Variants in VPS8 observed in about 807,000 individuals in gnomAD.
VPS8 encodes vacuolar protein sorting-associated protein 8 homolog.
In VPS8, 129 loss-of-function variants were observed where a neutral mutation model predicts 216.4. The ratio of observed to expected loss-of-function variants is 0.60; its 90% CI spans 0.52 to 0.69. VPS8 has a LOEUF of 0.69. VPS8 is among the 30% of genes least tolerant of loss of function. The pLI is 0.00. For missense variants in VPS8, 1,531 were observed against 1,683.5 expected (o/e 0.91, Z 1.59); for synonymous variants, 571 against 565.4 (o/e 1.01, Z -0.14).
chr3:184,831,630 C>T (rs1003883280), intron 3 of VPS8, among the ~76,000 whole-genome samples: 1 of 152,166 alleles, frequency 6.6e-6, no homozygotes, highest in African/African-American at 2.4e-5. Flanking sequence ...CACCTTTTAC[C>T]TGGTTGTAGA....
intron 16 of VPS8, 98 bp downstream of exon 16, chr3:184,863,165 CT>C: frequency 4.2e-6 from 6 of 1,417,652 alleles, no homozygotes; most frequent in South Asian, 4.1e-5. Flanking sequence ...GGGGAGTTAC[CT>C]TTTTCTGTCT....
intron 1 of VPS8, among the ~76,000 whole-genome samples, chr3:184,820,287 G>A (rs58385627): frequency 1.3e-5 from 2 of 152,006 alleles, no homozygotes; most frequent in African/African-American, 2.4e-5. Flanking sequence ...CTTGTCTTTC[G>A]CAGCTTCTAG....
chr3:184,863,435 A>G (rs996763985), intron 16 of VPS8, among the ~76,000 whole-genome samples: 10 of 152,232 alleles, frequency 6.6e-5, no homozygotes, highest in African/African-American at 2.4e-4. Flanking sequence ...TAAGGGATAA[A>G]TAACTACAGA....
At chr3:185,003,446 G>C (rs1436787720) in intron 45 of VPS8, among the ~76,000 whole-genome samples, 2 of 144,466 alleles carry the variant, frequency 1.4e-5, no homozygotes, top group Non-Finnish European at 1.5e-5. Flanking sequence ...CACAGCACAT[G>C]TTTCAGAGAG....
intron 15 of VPS8, among the ~76,000 whole-genome samples, chr3:184,860,812 G>A (rs1475123440): frequency 6.7e-6 from 1 of 149,740 alleles, no homozygotes; most frequent in Non-Finnish European, 1.5e-5. Context: ...TCTCAATCCT[G>A]AGTGACTTCT....
intron 39 of VPS8, 94 bp from the exon 40 acceptor site, chr3:184,971,555 T>C: frequency 1.3e-6 from 1 of 777,468 alleles, no homozygotes; most frequent in Non-Finnish European, 2.0e-6. Flanking sequence ...AAAATGAAGG[T>C]GATGCAAAGA....
intron 36 of VPS8, among the ~76,000 whole-genome samples, chr3:184,950,575 TTGAA>T (rs1181458837): frequency 6.6e-6 from 1 of 152,090 alleles, no homozygotes; most frequent in Non-Finnish European, 1.5e-5. Flanking sequence ...AAGTCAAAAT[TTGAA>T]TGTTATTTAT....
intron 7 of VPS8, among the ~76,000 whole-genome samples, 192 bp from the exon 8 acceptor site, chr3:184,843,048 C>A (rs1722478265): frequency 6.6e-6 from 1 of 151,322 alleles, no homozygotes; most frequent in Non-Finnish European, 1.5e-5. Flanking sequence ...TGGATTTTTT[C>A]CCATAACCCA....
chr3:184,903,535 T>A (rs1281351122), intron 25 of VPS8, among the ~76,000 whole-genome samples: 3 of 152,186 alleles, frequency 2.0e-5, no homozygotes, highest in Non-Finnish European at 4.4e-5. Context: ...CATTGCAGCC[T>A]CAAACTTATG....
intron 25 of VPS8, among the ~76,000 whole-genome samples, chr3:184,906,284 A>AC (rs1439961817): frequency 6.6e-6 from 1 of 152,126 alleles, no homozygotes; most frequent in Non-Finnish European, 1.5e-5. Flanking sequence ...CAGAAAATGT[A>AC]CTTTTTATGA....
At chr3:184,835,709 CTTTT>C (rs34896906) in intron 5 of VPS8, among the ~76,000 whole-genome samples, 2 of 126,760 alleles carry the variant, frequency 1.6e-5, no homozygotes, top group African/African-American at 2.9e-5. Context: ...TTGGATTTTT[CTTTT>C]TTTTTTTTTT....
At chr3:184,914,937 C>T (rs767538219) in intron 26 of VPS8, 44 bp from the exon 27 acceptor site, 1 of 1,556,648 alleles carries the variant, frequency 6.4e-7, no homozygotes, top group South Asian at 1.1e-5. Context: ...TGAAAGTTAT[C>T]CCCTTTACAA....
At chr3:184,879,261 T>C (rs1476080809) in intron 21 of VPS8, among the ~76,000 whole-genome samples, 1 of 152,212 alleles carries the variant, frequency 6.6e-6, no homozygotes, top group Non-Finnish European at 1.5e-5. Flanking sequence ...CTTTAATACA[T>C]CTTAAATATA....
rs1560797778 is a variant in VPS8, at chr3:184,944,057, AC to A, written c.3035+3815del. Reference sequence around the variant, plus strand: ...GCAGAGGTTGCACACACACACACACACACACAAACAAACATTTACAAGTATC... The same window carrying A: ...GCAGAGGTTGCACACACACACACACAACACAAACAAACATTTACAAGTATC... On this transcript the variant is annotated intron_variant, in intron 36 of 47. Coordinates refer to ENST00000625842, the MANE Select transcript of VPS8 (RefSeq NM_001009921.3). Among the ~76,000 whole-genome samples the A allele has an allele frequency of 1.2e-3, 176 of 152,260 alleles. 2 individuals are homozygous for A. Among genetic ancestry groups the A allele is most frequent in the African/African-American group, 4.1e-3 (170 of 41,542 alleles).
intron 20 of VPS8, among the ~76,000 whole-genome samples, chr3:184,870,291 C>G (rs1728099011): frequency 6.6e-6 from 1 of 152,012 alleles, no homozygotes; most frequent in South Asian, 2.1e-4. Flanking sequence ...GGATTCCCTC[C>G]CTTTTGTTGT....
chr3:184,911,212 G>T (rs559845041), intron 25 of VPS8, among the ~76,000 whole-genome samples: 2 of 152,214 alleles, frequency 1.3e-5, no homozygotes, highest in Non-Finnish European at 2.9e-5. Context: ...AATTACCTAC[G>T]TATGTGCCAG....
At chr3:184,824,883 G>C (rs1718392657) in intron 2 of VPS8, 98 bp downstream of exon 2, 1 of 1,172,756 alleles carries the variant, frequency 8.5e-7, no homozygotes, top group Non-Finnish European at 1.2e-6. Flanking sequence ...TTTTTGCATG[G>C]GTTAATAGGA....
chr3:184,892,732 A>T (rs568398410), intron 22 of VPS8, among the ~76,000 whole-genome samples: 5 of 152,326 alleles, frequency 3.3e-5, no homozygotes, highest in South Asian at 4.1e-4. Flanking sequence ...TCTTAGCAGC[A>T]TCACATGCTG....
At chr3:184,847,447 A>C (rs1350465809) in intron 8 of VPS8, among the ~76,000 whole-genome samples, 1 of 152,208 alleles carries the variant, frequency 6.6e-6, no homozygotes, top group East Asian at 1.9e-4. Flanking sequence ...TCTAAGCACA[A>C]GGCATTAAGC....
Sources: allele counts gnomAD v4.1 joint callset (sites outside exome capture counted in the v4.1 genomes callset), GRCh38; gene constraint gnomAD v4.1.1; transcripts MANE v1.5; gene names NCBI Gene and HGNC (gene_info 2026-07-23, HGNC 2026-07-21).